KRABD5: variants seen among roughly 807,000 people sequenced by gnomAD.
KRABD5 encodes the protein KRAB domain-containing protein 5.
At chr16:31,733,851 T>TACA in the KRABD5 span, among the ~76,000 whole-genome samples, 3 of 152,218 alleles carry the variant, frequency 2.0e-5, no homozygotes, top group Non-Finnish European at 4.4e-5. Flanking sequence ...TGCTGCAGGG[T>TACA]ACATGGGTGT....
At chr16:31,729,808 GT>G in the KRABD5 span, among the ~76,000 whole-genome samples, 2 of 149,408 alleles carry the variant, frequency 1.3e-5, no homozygotes, top group East Asian at 1.9e-4. Context: ...ATCTACTACA[GT>G]TTTTTTTTCT....
At chr16:31,760,365 T>G in the KRABD5 span, 1 of 53,218 alleles carries the variant, frequency 1.9e-5, no homozygotes. Flanking sequence ...TTTGGGGACT[T>G]GGCTAAACTC....
At chr16:31,726,796 A>T in the KRABD5 span, among the ~76,000 whole-genome samples, 1 of 152,296 alleles carries the variant, frequency 6.6e-6, no homozygotes, top group South Asian at 2.1e-4. Context: ...AAATTTTAGA[A>T]TTTATTTCTA....
the KRABD5 span, among the ~76,000 whole-genome samples, chr16:31,746,757 A>G: frequency 6.6e-6 from 1 of 151,862 alleles, no homozygotes. Context: ...ACTCCAATCA[A>G]TCGTAGGTTC....
chr16:31,758,651 A>AG, the KRABD5 span: 1 of 151,898 alleles, frequency 6.6e-6, no homozygotes, highest in Non-Finnish European at 1.5e-5. Flanking sequence ...GTGGGTACCT[A>AG]TAATCCCAGC....
the KRABD5 span, among the ~76,000 whole-genome samples, chr16:31,726,413 T>A: frequency 6.6e-6 from 1 of 152,218 alleles, no homozygotes; most frequent in Admixed American, 6.5e-5. Context: ...TGCCTTCACC[T>A]TCATTCTTAT....
At chr16:31,720,827 A>G in the KRABD5 span, among the ~76,000 whole-genome samples, 6 of 152,130 alleles carry the variant, frequency 3.9e-5, no homozygotes, top group Admixed American at 3.9e-4. Flanking sequence ...AGAGACTGCC[A>G]TTTCTCTTTA....
the KRABD5 span, chr16:31,722,595 A>G: frequency 7.5e-6 from 12 of 1,608,920 alleles, no homozygotes; most frequent in East Asian, 1.8e-4. Flanking sequence ...CCATGGCCAC[A>G]TGGTCAATGT....
chr16:31,718,453 A>G, the KRABD5 span, among the ~76,000 whole-genome samples: 2 of 152,180 alleles, frequency 1.3e-5, no homozygotes, highest in African/African-American at 4.8e-5. Flanking sequence ...GGGTCTTTTA[A>G]GTTTTCCAGA....
At chr16:31,730,332 G>C in the KRABD5 span, among the ~76,000 whole-genome samples, 2 of 151,592 alleles carry the variant, frequency 1.3e-5, no homozygotes, top group African/African-American at 4.8e-5. Context: ...TTGTTTGTTT[G>C]TTTGTTTAAT....
chr16:31,728,565 T>C, the KRABD5 span, among the ~76,000 whole-genome samples: 1 of 152,238 alleles, frequency 6.6e-6, no homozygotes, highest in Non-Finnish European at 1.5e-5. Flanking sequence ...TTTTCAGGAG[T>C]GTGTTGTTTA....
chr16:31,723,276 C>T, the KRABD5 span: 15 of 1,613,752 alleles, frequency 9.3e-6, no homozygotes, highest in East Asian at 6.7e-5. Flanking sequence ...GTCTCTAAGC[C>T]GGACCTGATC....
the KRABD5 span, chr16:31,723,369 T>C: frequency 4.4e-6 from 7 of 1,606,172 alleles, no homozygotes; most frequent in Non-Finnish European, 5.1e-6. Flanking sequence ...TGGGAGTGAA[T>C]GAAGTAGATG....
the KRABD5 span, chr16:31,753,987 G>C: frequency 6.7e-7 from 1 of 1,499,814 alleles, no homozygotes; most frequent in East Asian, 2.5e-5. Flanking sequence ...TGTTACAGGA[G>C]GTCAAAAACA....
chr16:31,720,960 T>C, the KRABD5 span, among the ~76,000 whole-genome samples: 1 of 152,204 alleles, frequency 6.6e-6, no homozygotes, highest in Non-Finnish European at 1.5e-5. Context: ...TCCATTTTAA[T>C]TTGCTAATTT....
chr16:31,722,850 G>T, the KRABD5 span: 3 of 1,331,578 alleles, frequency 2.3e-6, no homozygotes, highest in Non-Finnish European at 3.0e-6. Flanking sequence ...TGCTTTATAT[G>T]AATGAATTCA....
the KRABD5 span, chr16:31,713,267 G>T: frequency 1.1e-6 from 1 of 892,742 alleles, no homozygotes; most frequent in Non-Finnish European, 1.7e-6. Context: ...GGCCTTTGTT[G>T]GCTGCAGTAA....
At chr16:31,723,319 T>C in the KRABD5 span, 1 of 1,613,912 alleles carries the variant, frequency 6.2e-7, no homozygotes, top group Admixed American at 1.7e-5. Context: ...AGCCCTGGAA[T>C]GTGAAGAGTG....
At chr16:31,733,801 A>G in the KRABD5 span, among the ~76,000 whole-genome samples, 4 of 152,306 alleles carry the variant, frequency 2.6e-5, no homozygotes, top group East Asian at 3.9e-4. Flanking sequence ...TCCATAAAGG[A>G]ACATTTTGAT....
Sources: allele counts gnomAD v4.1 joint callset (sites outside exome capture counted in the v4.1 genomes callset), GRCh38; gene constraint gnomAD v4.1.1; transcripts MANE v1.5; gene names NCBI Gene and HGNC (gene_info 2026-07-23, HGNC 2026-07-21).